Variants in MRTFA observed in about 807,000 individuals in gnomAD.
MRTFA encodes the protein myocardin related transcription factor A.
Under a neutral mutation model 83.5 loss-of-function variants are expected in MRTFA, and 20 were observed. The ratio of observed to expected loss-of-function variants is 0.24; its 90% confidence interval spans 0.17 to 0.35. MRTFA has a LOEUF of 0.35. MRTFA is among the 10% of genes least tolerant of loss of function. MRTFA has a pLI of 1.00. For missense variants in MRTFA, 1,200 were observed against 1,224.7 expected (o/e 0.98, Z 0.30); for synonymous variants, 659 against 541.2 (o/e 1.22, Z -3.02).
chr22:40,441,618 C>A (rs151033801), intron 4 of MRTFA, among the ~76,000 whole-genome samples: 3 of 152,046 alleles, frequency 2.0e-5, no homozygotes, highest in Non-Finnish European at 2.9e-5. Flanking sequence ...AACCACCCCC[C>A]ACTACTAAAA....
chr22:40,450,281 G>A (rs1312624557), intron 4 of MRTFA, among the ~76,000 whole-genome samples: 2 of 152,146 alleles, frequency 1.3e-5, no homozygotes, highest in Admixed American at 6.5e-5. Context: ...AACCTCTGAT[G>A]TACCAAAGGG....
Position 40,418,395 on chromosome 22 carries a change from C to G in MRTFA, c.2343G>C (p.Leu781=). The change falls in exon 12 of 15, where the codon CTG becomes CTC. Residue 781 remains leucine, a synonymous_variant. Coordinates refer to ENST00000355630, the MANE Select transcript of MRTFA (RefSeq NM_020831.6). Reference sequence around the variant, plus strand: ...GTACCTGCTGGGGGCTCCCACTGGACAGGCCAGGGCTGTCTGCATTCTTAT... The same window carrying G: ...GTACCTGCTGGGGGCTCCCACTGGAGAGGCCAGGGCTGTCTGCATTCTTAT... The G allele has an allele frequency of 1.2e-6, 2 of 1,613,792 alleles. No individual in the cohort carries two copies. Among genetic ancestry groups the G allele is most frequent in the Non-Finnish European group, 1.7e-6 (2 of 1,179,788 alleles).
intron 3 of MRTFA, among the ~76,000 whole-genome samples, chr22:40,484,816 T>C (rs546450060): frequency 6.6e-6 from 1 of 152,136 alleles, no homozygotes; most frequent in African/African-American, 2.4e-5. Context: ...CTCACACCTG[T>C]AATCCCAGCA....
intron 2 of MRTFA, among the ~76,000 whole-genome samples, chr22:40,583,612 G>A (rs1026810059): frequency 2.6e-5 from 4 of 152,120 alleles, no homozygotes; most frequent in African/African-American, 7.2e-5. Context: ...CAACTATTAC[G>A]GCCTGAGCTC....
intron 1 of MRTFA, among the ~76,000 whole-genome samples, chr22:40,621,503 T>C (rs1477695287): frequency 6.6e-6 from 1 of 152,114 alleles, no homozygotes; most frequent in Non-Finnish European, 1.5e-5. Flanking sequence ...GGTATAGAGC[T>C]TCAGTTTTGC....
Position 40,440,578 on chromosome 22 carries a change from G to C in MRTFA, c.308-5024C>G, listed in dbSNP as rs149271097. Among the ~76,000 whole-genome samples the C allele has an allele frequency of 2.9e-3, 444 of 152,324 alleles. 3 individuals carry two copies. Among genetic ancestry groups the C allele is most frequent in the African/African-American group, 0.01 (425 of 41,564 alleles). On this transcript the variant is annotated intron_variant, in intron 4 of 14. Transcript: ENST00000355630. The stretch of plus-strand genomic sequence containing the variant: ...CCCTCTTCCTTCAGGTTTGTGTCAG[G>C]ACTTCCTGCTGGGTGTCTCTCAGTT...
chr22:40,482,705 T>G (rs1232740767), intron 3 of MRTFA, among the ~76,000 whole-genome samples: 1 of 152,178 alleles, frequency 6.6e-6, no homozygotes, highest in Non-Finnish European at 1.5e-5. Flanking sequence ...CAGCCTTGAA[T>G]CTCATTTGCT....
chr22:40,529,211 T>C (rs1310156835), intron 3 of MRTFA, among the ~76,000 whole-genome samples: 1 of 152,134 alleles, frequency 6.6e-6, no homozygotes, highest in Non-Finnish European at 1.5e-5. Flanking sequence ...AAACATACAG[T>C]GCAGAAACAA....
intron 1 of MRTFA, among the ~76,000 whole-genome samples, chr22:40,611,988 T>C (rs927328699): frequency 5.9e-5 from 9 of 152,342 alleles, no homozygotes; most frequent in African/African-American, 2.2e-4. Flanking sequence ...GAGTCTGTTA[T>C]TAAGCCTATG....
In MRTFA at chr22:40,419,244, A is replaced by G. The variant is rs753273668; in HGVS notation, c.1494T>C (p.Ser498=). 2 of 1,611,426 alleles carry G rather than the reference A, an allele frequency of 1.2e-6. No individual in the cohort carries two copies. Among genetic ancestry groups the G allele is most frequent in the Non-Finnish European group, 1.7e-6 (2 of 1,178,958 alleles). ...CCACCTCGCCAGCCTTGTGCAGGAT[A>G]GAGGTGGCGGCAGGGGCCTTGGGGG... is the stretch of plus-strand genomic sequence containing the variant. Residue 498 remains serine (S), a synonymous_variant, in exon 12 of 15, where the codon TCT becomes TCC. Transcript: ENST00000355630.
At chr22:40,572,566 T>A (rs1465737630) in intron 2 of MRTFA, among the ~76,000 whole-genome samples, 1 of 152,102 alleles carries the variant, frequency 6.6e-6, no homozygotes, top group Non-Finnish European at 1.5e-5. Context: ...GCTGTTTTTT[T>A]AAAAAAGGAA....
At chr22:40,461,049 A>G (rs1354498771) in intron 4 of MRTFA, among the ~76,000 whole-genome samples, 1 of 151,590 alleles carries the variant, frequency 6.6e-6, no homozygotes, top group Non-Finnish European at 1.5e-5. Context: ...AAGTAAAAAT[A>G]ATTAGCCAGG....
intron 3 of MRTFA, among the ~76,000 whole-genome samples, chr22:40,516,689 C>T (rs1327528589): frequency 6.6e-6 from 1 of 152,082 alleles, no homozygotes; most frequent in Non-Finnish European, 1.5e-5. Flanking sequence ...AAGCATATGA[C>T]ACTGGTTTTG....
At chr22:40,446,922 T>C (rs1384813148) in intron 4 of MRTFA, among the ~76,000 whole-genome samples, 2 of 152,274 alleles carry the variant, frequency 1.3e-5, no homozygotes, top group East Asian at 1.9e-4. Flanking sequence ...TTATACTTAA[T>C]TGAAGAAAGA....
At chr22:40,551,118 G>A (rs771992181) in intron 3 of MRTFA, among the ~76,000 whole-genome samples, 1 of 151,824 alleles carries the variant, frequency 6.6e-6, no homozygotes, top group Non-Finnish European at 1.5e-5. Flanking sequence ...CCAAAGGCAT[G>A]AGTCACCGTG....
intron 3 of MRTFA, among the ~76,000 whole-genome samples, chr22:40,542,918 A>G (rs2055312591): frequency 6.6e-6 from 1 of 152,208 alleles, no homozygotes; most frequent in Non-Finnish European, 1.5e-5. Context: ...GGGAGATGAG[A>G]TCCATTAGAA....
chr22:40,546,959 T>C (rs1311361370), intron 3 of MRTFA, among the ~76,000 whole-genome samples: 1 of 152,082 alleles, frequency 6.6e-6, no homozygotes, highest in African/African-American at 2.4e-5. Context: ...ATCGAGACCA[T>C]CCTGGCTAAC....
chr22:40,488,588 T>C (rs570141359), intron 3 of MRTFA, among the ~76,000 whole-genome samples: 3 of 152,060 alleles, frequency 2.0e-5, no homozygotes, highest in South Asian at 4.2e-4. Flanking sequence ...TCCCAGCTCT[T>C]TGAGAGGCCA....
intron 1 of MRTFA, among the ~76,000 whole-genome samples, chr22:40,622,489 AAAAG>A (rs902068277): frequency 6.6e-6 from 1 of 151,964 alleles, no homozygotes; most frequent in African/African-American, 2.4e-5. Context: ...CTCAAAAAAA[AAAAG>A]AATTATCCAG....
Sources: allele counts gnomAD v4.1 joint callset (sites outside exome capture counted in the v4.1 genomes callset), GRCh38; gene constraint gnomAD v4.1.1; transcripts MANE v1.5; gene names NCBI Gene and HGNC (gene_info 2026-07-23, HGNC 2026-07-21).